Variants in RNF216 observed in about 807,000 individuals in gnomAD.
RNF216 encodes the protein ring finger protein 216.
Under a neutral mutation model 110.8 loss-of-function variants are expected in RNF216, and 72 were observed. That is an observed-to-expected ratio of 0.65 (90% CI 0.54 to 0.79). The LOEUF is 0.79. Ranked by LOEUF, RNF216 falls within the 30% of genes least tolerant of loss-of-function variation. The probability of loss-of-function intolerance (pLI) is 0.00; values close to 1 mark genes in which losing one functional copy is unlikely to be tolerated. For missense variants in RNF216, 1,342 were observed against 1,141.2 expected, an observed-to-expected ratio of 1.18 and a Z score of -2.54; for synonymous variants, 495 against 407.5, an observed-to-expected ratio of 1.21 and a Z score of -2.59.
intron 1 of RNF216, among the ~76,000 whole-genome samples, chr7:5,766,693 C>T (rs142959409): frequency 1.1e-3 from 175 of 152,280 alleles, no homozygotes; most frequent in African/African-American, 4.0e-3. Flanking sequence ...TTTTGTTAGT[C>T]TATGGTATCA....
In RNF216 at chr7:5,695,778, T is replaced by C. The variant is rs184442754; in HGVS notation, c.2061+15983A>G. The stretch of plus-strand genomic sequence containing the variant: ...AACCCCTGGTCAAACTGTTCCCTTA[T>C]GTGTTCTTCCCTTGCTTTGCCTGTA... On this transcript the variant is annotated intron_variant, in intron 13 of 16. Coordinates refer to ENST00000389902, the MANE Select transcript of RNF216 (RefSeq NM_207111.4). 1.4e-4 allele frequency among the ~76,000 whole-genome samples: 22 copies of C among 152,366 alleles called. No homozygotes were observed. The East Asian group carries it at 3.7e-3, about 25-fold the overall frequency.
At chr7:5,753,028 T>C (rs200705778) in intron 2 of RNF216, 49 bp from the exon 3 acceptor site, 3 of 1,565,366 alleles carry the variant, frequency 1.9e-6, no homozygotes, top group East Asian at 4.6e-5. Flanking sequence ...CACTATCACA[T>C]CCAACTCTTT....
chr7:5,738,974 C>T (rs1453972997), intron 5 of RNF216, among the ~76,000 whole-genome samples: 11 of 152,068 alleles, frequency 7.2e-5, no homozygotes, highest in Admixed American at 7.2e-4. Context: ...ATAAGCCAGT[C>T]AGAAAAGAAC....
intron 13 of RNF216, among the ~76,000 whole-genome samples, chr7:5,655,108 C>T (rs1188101928): frequency 6.6e-6 from 1 of 152,232 alleles, no homozygotes. Flanking sequence ...CATGGGTCTT[C>T]CTCATAAGGG....
At chr7:5,630,403 C>A (rs992113380) in intron 15 of RNF216, among the ~76,000 whole-genome samples, 1 of 151,868 alleles carries the variant, frequency 6.6e-6, no homozygotes, top group African/African-American at 2.4e-5. Context: ...TCCCTCTAGA[C>A]AGGGTCTTGC....
At chr7:5,707,817 T>TG (rs1562413186) in intron 13 of RNF216, among the ~76,000 whole-genome samples, 1 of 144,762 alleles carries the variant, frequency 6.9e-6, no homozygotes, top group African/African-American at 2.6e-5. Flanking sequence ...TCCACCTCCC[T>TG]GGTTCAAGCG....
At position 5,649,120 on chromosome 7, in the gene RNF216, G is replaced by A. The variant is rs192888489; in HGVS notation, c.2159+3293C>T. Among the ~76,000 whole-genome samples, 4 of 152,244 alleles carry A rather than the reference G, an allele frequency of 2.6e-5. No individual in the cohort carries two copies. The East Asian group carries it at 5.8e-4, about 22-fold the overall frequency. ...CGGCCGGGCGGGCGCGGTGGCTCACGCCTGTAATCCCAGTACTTTGGGAGG... is the reference window on the plus strand; with the variant it reads ...CGGCCGGGCGGGCGCGGTGGCTCACACCTGTAATCCCAGTACTTTGGGAGG... On this transcript the variant is annotated intron_variant, in intron 14 of 16. Coordinates refer to ENST00000389902, the MANE Select transcript of RNF216 (RefSeq NM_207111.4).
At chr7:5,639,719 C>G (rs1162587198) in intron 15 of RNF216, among the ~76,000 whole-genome samples, 1 of 151,880 alleles carries the variant, frequency 6.6e-6, no homozygotes, top group Non-Finnish European at 1.5e-5. Context: ...CTTGGTTTCC[C>G]AAAGTGCTAG....
At chr7:5,684,994 ACACAG>A (rs781302423) in intron 13 of RNF216, among the ~76,000 whole-genome samples, 20 of 152,090 alleles carry the variant, frequency 1.3e-4, no homozygotes, top group Non-Finnish European at 2.5e-4. Context: ...AGCAGTCTTT[ACACAG>A]CATAGGTGGA....
rs528175992 is a variant in RNF216, at chr7:5,626,421, A to G, written c.2383-2296T>C. On this transcript the variant is annotated intron_variant, in intron 15 of 16. Coordinates refer to ENST00000389902, the MANE Select transcript of RNF216 (RefSeq NM_207111.4). The stretch of plus-strand genomic sequence containing the variant: ...GCCTAAGAAAAAAGACTAAAAAAAA[A>G]AAAAAGAAAAAAAGAAATGAACCAA... 2.4e-4 allele frequency among the ~76,000 whole-genome samples: 37 copies of G among 151,966 alleles called. 1 individual carries two copies. The highest frequency in any genetic ancestry group is 4.6e-4 in the Non-Finnish European group (31 of 67,982).
chr7:5,704,283 A>G (rs1369005615), intron 13 of RNF216, among the ~76,000 whole-genome samples: 1 of 152,220 alleles, frequency 6.6e-6, no homozygotes, highest in Non-Finnish European at 1.5e-5. Context: ...GTTCCTGAAA[A>G]GCCAACTGGA....
rs770928352 is a variant in RNF216 at position 5,729,551 on chromosome 7, C to T, written c.1270G>A (p.Asp424Asn). 2 of 1,613,922 alleles carry T rather than the reference C, an allele frequency of 1.2e-6. No individual in the cohort carries two copies. The highest frequency in any genetic ancestry group is 1.3e-5 in the African/African-American group (1 of 74,874). ...FFDYSKLTPL[D>N]QRCFIQAADL... ...GCAGCTTGGATGAAGCAGCGCTGGT[C>T]AAGAGGGGTCAATTTAGAATAGTCA... The change falls in exon 7 of 17, where the codon GAC (aspartate) becomes AAC (asparagine). Residue 424 changes from aspartate to asparagine, a missense_variant. Coordinates refer to ENST00000389902, the MANE Select transcript of RNF216 (RefSeq NM_207111.4).
chr7:5,767,696 T>A (rs1196815560), intron 1 of RNF216, among the ~76,000 whole-genome samples: 3 of 151,972 alleles, frequency 2.0e-5, no homozygotes, highest in Admixed American at 1.3e-4. Context: ...CCTCCTGGGT[T>A]CAAGCCATTT....
intron 13 of RNF216, among the ~76,000 whole-genome samples, chr7:5,698,241 C>T (rs573215596): frequency 2.6e-5 from 4 of 152,132 alleles, no homozygotes; most frequent in African/African-American, 9.7e-5. Flanking sequence ...CTGGTTGCAG[C>T]TGGACTGCAT....
chr7:5,733,439 A>G (rs1794207819), intron 5 of RNF216, among the ~76,000 whole-genome samples: 1 of 152,212 alleles, frequency 6.6e-6, no homozygotes. Flanking sequence ...TTTCTAGACA[A>G]TCTTGAAGAT....
chr7:5,623,948 CCCT>C (rs1234462818), intron 16 of RNF216, 105 bp downstream of exon 16: 1 of 901,884 alleles, frequency 1.1e-6, no homozygotes. Flanking sequence ...GGACAGCACC[CCCT>C]CCTCTCCTGT....
chr7:5,685,552 T>C (rs1199081487), intron 13 of RNF216, among the ~76,000 whole-genome samples: 1 of 152,216 alleles, frequency 6.6e-6, no homozygotes, highest in African/African-American at 2.4e-5. Flanking sequence ...AGGCAAATTC[T>C]ATTACTTTTT....
chr7:5,635,947 A>G (rs186203516), intron 15 of RNF216, among the ~76,000 whole-genome samples: 26 of 152,354 alleles, frequency 1.7e-4, no homozygotes, highest in Admixed American at 7.8e-4. Flanking sequence ...TCTTACATTC[A>G]AAAGACAAAG....
At chr7:5,760,889 C>T (rs987415183) in intron 2 of RNF216, 114 bp downstream of exon 2, 114 of 829,820 alleles carry the variant, frequency 1.4e-4, no homozygotes, top group Non-Finnish European at 1.9e-4. Context: ...TTGTCAAAAA[C>T]GAAATGTCCC....
Sources: gnomAD v4.1 joint callset for allele counts (sites outside exome capture counted in the v4.1 genomes callset) on GRCh38, gnomAD v4.1.1 for gene constraint, MANE v1.5 for transcripts, NCBI Gene and HGNC (gene_info 2026-07-23, HGNC 2026-07-21) for gene names.